RAD52: variants seen among roughly 807,000 people sequenced by gnomAD.
RAD52 encodes DNA repair protein RAD52 homolog.
Under a neutral mutation model 55.5 loss-of-function variants are expected in RAD52, and 47 were observed. The ratio of observed to expected loss-of-function variants is 0.85; its 90% CI spans 0.67 to 1.08. The LOEUF (loss-of-function observed/expected upper bound fraction) is 1.08. Ranked by LOEUF, RAD52 falls within the 50% of genes least tolerant of loss-of-function variation. The pLI, the probability that RAD52 is intolerant of heterozygous loss-of-function variation, is 0.00. For missense variants in RAD52, 468 were observed against 522.8 expected (o/e 0.90, Z 1.02); for synonymous variants, 184 against 198.9 (o/e 0.92, Z 0.63).
At chr12:940,279 GGAA>G (rs560508413) in intron 1 of RAD52, among the ~76,000 whole-genome samples, 159 of 152,008 alleles carry the variant, frequency 1.0e-3, no homozygotes, top group South Asian at 6.6e-3. Context: ...AAGCCTTCTG[GGAA>G]GAAGGAGAAA....
At chr12:943,137 A>G (rs1958005570) in intron 1 of RAD52, among the ~76,000 whole-genome samples, 1 of 152,210 alleles carries the variant, frequency 6.6e-6, no homozygotes, top group African/African-American at 2.4e-5. Context: ...CACCACACCC[A>G]TCAGAATAAC....
At chr12:978,863 G>C (rs58319213) in intron 1 of RAD52, among the ~76,000 whole-genome samples, 1 of 150,318 alleles carries the variant, frequency 6.7e-6, no homozygotes, top group Admixed American at 6.7e-5. Flanking sequence ...CAGAGACTCC[G>C]TCTCTTAAAA....
At chr12:971,053 CATATGCAAAGATAAAATATAGATAATCT>C (rs1565709544) in intron 1 of RAD52, among the ~76,000 whole-genome samples, 1 of 152,090 alleles carries the variant, frequency 6.6e-6, no homozygotes, top group African/African-American at 2.4e-5. Flanking sequence ...TTTATCATTG[CATATGCAAAGATAAAATATAGATAATCT>C]ATATGCAAAA....
In RAD52 at chr12:912,401, G is replaced by A; in HGVS notation, c.*990C>T. 1 of 201,894 alleles carries A rather than the reference G, an allele frequency of 5.0e-6. No individual in the cohort carries two copies. 12.5% of individuals were successfully genotyped at this position (201,894 alleles called of 1,614,324 possible). ...AATTATGTGTATGAGGCATATACACGAAACACAGGTGAATTCCACGTTCAG... is the reference window on the plus strand; with the variant it reads ...AATTATGTGTATGAGGCATATACACAAAACACAGGTGAATTCCACGTTCAG... On this transcript the variant is annotated 3_prime_UTR_variant, in exon 12 of 12. Coordinates refer to ENST00000358495, the MANE Select transcript of RAD52 (RefSeq NM_134424.4).
At chr12:944,620 A>AAAC (rs1555177734) in intron 1 of RAD52, among the ~76,000 whole-genome samples, 45 of 150,658 alleles carry the variant, frequency 3.0e-4, no homozygotes, top group East Asian at 2.0e-3. Flanking sequence ...AAAAAAAAAA[A>AAAC]AAAAAAAACT....
In RAD52 at chr12:933,003, C is replaced by T; in HGVS notation, c.56G>A (p.Gly19Asp). The T allele has an allele frequency of 3.7e-6, 6 of 1,614,086 alleles. No homozygotes were observed. In the South Asian group the frequency reaches 6.6e-5, roughly 18 times the overall value. Reference sequence around the variant, plus strand: ...TCCAAAGCATAACACTGAGCCGCCGCCAGCAGCAGGATGGCTGTCACGTCC... The same window carrying T: ...TCCAAAGCATAACACTGAGCCGCCGTCAGCAGCAGGATGGCTGTCACGTCC... ...LGGRDSHPAA[G>D]GGSVLCFGQC... is the part of the protein sequence containing the mutation. The change falls in exon 2 of 12, where the codon GGC becomes GAC. Residue 19 changes from glycine (G) to aspartate (D), a missense_variant. Coordinates refer to ENST00000358495, the MANE Select transcript of RAD52 (RefSeq NM_134424.4).
intron 1 of RAD52, among the ~76,000 whole-genome samples, chr12:939,052 T>TTG (rs1555176185): frequency 0.024 from 3,352 of 141,056 alleles, 71 homozygotes; most frequent in African/African-American, 0.055. Context: ...ATTCAACTAA[T>TTG]TGTGTGTGTG....
At chr12:980,144 T>C (rs1393340022) in intron 1 of RAD52, among the ~76,000 whole-genome samples, 1 of 151,776 alleles carries the variant, frequency 6.6e-6, no homozygotes, top group Non-Finnish European at 1.5e-5. Context: ...GAGCTGAGAT[T>C]GTGCCACTGC....
intron 1 of RAD52, among the ~76,000 whole-genome samples, chr12:970,795 G>GTA (rs1555182662): frequency 1.3e-5 from 2 of 152,132 alleles, no homozygotes; most frequent in South Asian, 2.1e-4. Context: ...GCTATTTTGG[G>GTA]TAGGGTATCA....
intron 7 of RAD52, among the ~76,000 whole-genome samples, chr12:917,022 C>T (rs548287925): frequency 6.6e-6 from 1 of 152,090 alleles, no homozygotes; most frequent in African/African-American, 2.4e-5. Flanking sequence ...AAAAGGAATC[C>T]TTCTTTGGTT....
intron 1 of RAD52, among the ~76,000 whole-genome samples, chr12:968,316 C>G (rs1351735212): frequency 6.6e-6 from 1 of 152,018 alleles, no homozygotes; most frequent in Non-Finnish European, 1.5e-5. Flanking sequence ...TTCTCCAGCT[C>G]CCTGGCAGCC....
intron 1 of RAD52, among the ~76,000 whole-genome samples, chr12:955,406 A>G (rs1958590375): frequency 6.6e-6 from 1 of 152,130 alleles, no homozygotes; most frequent in Admixed American, 6.6e-5. Context: ...GTCAATGGCC[A>G]TGACCCCAAC....
chr12:978,168 A>G (rs1264277147), intron 1 of RAD52, among the ~76,000 whole-genome samples: 1 of 152,112 alleles, frequency 6.6e-6, no homozygotes, highest in Non-Finnish European at 1.5e-5. Flanking sequence ...GTTCTGGACT[A>G]TCTTTCCAAA....
intron 1 of RAD52, among the ~76,000 whole-genome samples, chr12:985,938 CT>C (rs1425026731): frequency 3.5e-3 from 480 of 137,972 alleles, no homozygotes; most frequent in African/African-American, 6.7e-3. Flanking sequence ...CGCACCTGGC[CT>C]TTTTTTTTTT....
At position 971,281 on chromosome 12, in the gene RAD52, G is replaced by A. The variant is rs11064623; in HGVS notation, c.-19+18528C>T. ...GGATACTGAAAACATTGTGGGGAAG[G>A]GCATGGTATTTTTTTTTTTAAAGAC... On this transcript the variant is annotated intron_variant, in intron 1 of 11. Transcript: ENST00000430095. 5.7e-3 allele frequency among the ~76,000 whole-genome samples: 863 copies of A among 151,992 alleles called. 9 individuals are homozygous for A. The highest frequency in any genetic ancestry group is 0.019 in the African/African-American group (806 of 41,432).
intron 1 of RAD52, among the ~76,000 whole-genome samples, chr12:971,860 T>A (rs187443323): frequency 6.6e-6 from 1 of 152,162 alleles, no homozygotes; most frequent in African/African-American, 2.4e-5. Context: ...GCCATTCTCC[T>A]GCCTCAGCCT....
At chr12:984,996 A>T (rs577724161) in intron 1 of RAD52, among the ~76,000 whole-genome samples, 1 of 152,300 alleles carries the variant, frequency 6.6e-6, no homozygotes, top group South Asian at 2.1e-4. Context: ...TTTTTAGTAC[A>T]GACAGGGTTT....
intron 1 of RAD52, among the ~76,000 whole-genome samples, chr12:947,807 G>A (rs996275792): frequency 8.8e-5 from 13 of 147,374 alleles, no homozygotes; most frequent in Admixed American, 2.1e-4. Context: ...AGAAGCGCTT[G>A]AACCCAGGAG....
chr12:926,838 T>G (rs1592358937), intron 6 of RAD52: 1 of 1,536,574 alleles, frequency 6.5e-7, no homozygotes, highest in African/African-American at 1.4e-5. Flanking sequence ...GAGAGGAGGG[T>G]GCTGTCTGTG....
Sources: allele counts gnomAD v4.1 joint callset (sites outside exome capture counted in the v4.1 genomes callset), GRCh38; gene constraint gnomAD v4.1.1; transcripts MANE v1.5; gene names NCBI Gene and HGNC (gene_info 2026-07-23, HGNC 2026-07-21).